The following ADAM7 variants were observed in gnomAD, a reference collection of about 807,000 sequenced individuals.
ADAM7 encodes disintegrin and metalloproteinase domain-containing protein 7.
In ADAM7, 97 loss-of-function variants were observed where a neutral mutation model predicts 102.9. That is an observed-to-expected ratio of 0.94 (90% CI 0.80 to 1.12). ADAM7 has a LOEUF of 1.12. ADAM7 is among the 50% of genes most tolerant of loss of function. ADAM7 has a pLI of 0.00. For synonymous variants in ADAM7, 334 were observed against 304.4 expected (o/e 1.10, Z -1.01); for missense variants, 991 against 908.7 (o/e 1.09, Z -1.16).
At chr8:24,507,770 A>C (rs1821002519) in intron 21 of ADAM7, among the ~76,000 whole-genome samples, 1 of 152,162 alleles carries the variant, frequency 6.6e-6, no homozygotes, top group Non-Finnish European at 1.5e-5. Flanking sequence ...GCAATCCAGA[A>C]TTCAACAGTG....
intron 3 of ADAM7, among the ~76,000 whole-genome samples, chr8:24,450,482 A>T (rs570752588): frequency 1.3e-5 from 2 of 151,314 alleles, no homozygotes; most frequent in Non-Finnish European, 3.0e-5. Context: ...AATGCTTGTG[A>T]TTTTTGTACA....
intron 3 of ADAM7, among the ~76,000 whole-genome samples, chr8:24,451,070 T>A (rs536177391): frequency 5.9e-5 from 9 of 152,090 alleles, no homozygotes; most frequent in East Asian, 1.9e-4. Flanking sequence ...TATTGAGGAT[T>A]TTTGCATCAA....
At chr8:24,457,293 A>AT (rs35591710) in intron 3 of ADAM7, among the ~76,000 whole-genome samples, 9,880 of 150,952 alleles carry the variant, frequency 0.065, 484 homozygotes, top group African/African-American at 0.13. Flanking sequence ...GTTCGAGGAG[A>AT]TTTTTTTTTC....
At chr8:24,478,686 T>C (rs1383633899) in intron 8 of ADAM7, among the ~76,000 whole-genome samples, 3 of 152,200 alleles carry the variant, frequency 2.0e-5, no homozygotes, top group African/African-American at 7.2e-5. Context: ...GGATAACTAA[T>C]TTAAATTTCC....
At position 24,509,334 on chromosome 8, in the gene ADAM7, C is replaced by T; in HGVS notation, c.*788C>T. On this transcript the variant is annotated 3_prime_UTR_variant, in exon 22 of 22. Transcript: ENST00000175238. ...ATGTGCCATTTCTGTGCTGTCTCTG[C>T]CCTCTCCCTATCCGTTTGTTATGGG... The T allele has an allele frequency of 3.0e-6, 3 of 985,434 alleles. No individual in the cohort carries two copies. The highest frequency in any genetic ancestry group is 2.4e-6 in the Non-Finnish European group (2 of 829,984). The allele number at this position is 985,434 out of a possible 1,614,324, so 61.0% of individuals were successfully genotyped here.
chr8:24,505,621 T>C (rs1492417), intron 20 of ADAM7, among the ~76,000 whole-genome samples: 109,800 of 151,964 alleles, frequency 0.72, 40,462 homozygotes, highest in African/African-American at 0.81. Flanking sequence ...GTTAATGATG[T>C]TTGTTTTTTG....
At chr8:24,475,903 T>C (rs906443374) in intron 7 of ADAM7, 2 of 456,300 alleles carry the variant, frequency 4.4e-6, no homozygotes, top group Admixed American at 4.7e-5. Flanking sequence ...ATGAAAAGTC[T>C]GGTTTGCCCT....
chr8:24,503,556 A>T (rs1277764141), intron 20 of ADAM7, among the ~76,000 whole-genome samples: 3 of 152,272 alleles, frequency 2.0e-5, no homozygotes, highest in Admixed American at 6.5e-5. Context: ...AAATCATTCT[A>T]CTATAAAGAC....
intron 16 of ADAM7, among the ~76,000 whole-genome samples, chr8:24,498,549 G>GTATATA (rs138184963): frequency 1.1e-3 from 169 of 148,766 alleles, no homozygotes; most frequent in Admixed American, 2.1e-3. Flanking sequence ...AGGACTAAGA[G>GTATATA]TATATATATA....
chr8:24,494,890 G>A (rs1820501769), intron 16 of ADAM7, among the ~76,000 whole-genome samples: 1 of 152,126 alleles, frequency 6.6e-6, no homozygotes, highest in South Asian at 2.1e-4. Flanking sequence ...CAAACAGCAG[G>A]GAAAAATTCT....
intron 16 of ADAM7, among the ~76,000 whole-genome samples, chr8:24,497,624 A>C (rs1314758435): frequency 5.3e-5 from 8 of 152,178 alleles, no homozygotes; most frequent in Admixed American, 5.2e-4. Context: ...TATGAAGTCT[A>C]AATTAAAAAC....
At chr8:24,450,527 T>C (rs2129374925) in intron 3 of ADAM7, among the ~76,000 whole-genome samples, 1 of 152,254 alleles carries the variant, frequency 6.6e-6, no homozygotes, top group East Asian at 1.9e-4. Context: ...CTGAAGTTGC[T>C]TATCAGCTTA....
chr8:24,450,631 T>C (rs1408284671), intron 3 of ADAM7, among the ~76,000 whole-genome samples: 3 of 152,138 alleles, frequency 2.0e-5, no homozygotes, highest in Non-Finnish European at 4.4e-5. Flanking sequence ...CCTAATTGAA[T>C]ACCCTTTATT....
At position 24,447,113 on chromosome 8, in the gene ADAM7, C is replaced by A. The variant is rs182053997; in HGVS notation, c.157-73C>A. 57 of 753,898 alleles carry A rather than the reference C, an allele frequency of 7.6e-5. No individual in the cohort carries two copies. In the African/African-American group the frequency reaches 9.2e-4, roughly 12 times the overall value. The allele number at this position is 753,898 out of a possible 1,614,324, so 46.7% of individuals were successfully genotyped here. A position where few individuals can be genotyped will look rare whatever the true frequency, so the allele number is the denominator to read the frequency against. ...TGGATTGGAGATAGGGAACATTCAC[C>A]CAAAGCACTACTTGCTCCAGAACAC... On this transcript the variant is annotated intron_variant, in intron 2 of 21. Transcript: ENST00000175238.
chr8:24,508,987 T>C lies in ADAM7; in HGVS notation c.*441T>C. On this transcript the variant is annotated 3_prime_UTR_variant, in exon 22 of 22. Transcript: ENST00000175238. ...TGAACATGACATCATTAGCACTAAT[T>C]CTGGTTTAAATGAAAGTCCTGCAGA... is the stretch of plus-strand genomic sequence containing the variant. 1 of 996,464 alleles carries C rather than the reference T, an allele frequency of 1.0e-6. No individual in the cohort carries two copies. The highest frequency in any genetic ancestry group is 1.2e-6 in the Non-Finnish European group (1 of 837,302). The allele number at this position is 996,464 out of a possible 1,614,324, so 61.7% of individuals were successfully genotyped here. A position where few individuals can be genotyped will look rare whatever the true frequency, so the allele number is the denominator to read the frequency against.
At chr8:24,451,423 T>C (rs1407735229) in intron 3 of ADAM7, among the ~76,000 whole-genome samples, 1 of 152,262 alleles carries the variant, frequency 6.6e-6, no homozygotes, top group African/African-American at 2.4e-5. Context: ...CTAGATTTTC[T>C]AGTTTATTTG....
Position 24,500,051 on chromosome 8 carries a change from G to A in ADAM7, c.1924-127G>A, listed in dbSNP as rs181327894. On this transcript the variant is annotated intron_variant, in intron 17 of 21. Transcript: ENST00000175238. Reference sequence around the variant, plus strand: ...GATTTTGTTACACAGTTTAATAAACGAATAAAAAGTTCGCGCTTGTGCTTG... The same window carrying A: ...GATTTTGTTACACAGTTTAATAAACAAATAAAAAGTTCGCGCTTGTGCTTG... 5 of 616,190 alleles carry A rather than the reference G, an allele frequency of 8.1e-6. No individual in the cohort carries two copies. The East Asian group carries it at 1.5e-4, about 19-fold the overall frequency. The allele number at this position is 616,190 out of a possible 1,614,324, so 38.2% of individuals were successfully genotyped here. A position where few individuals can be genotyped will look rare whatever the true frequency, so the allele number is the denominator to read the frequency against.
rs1358850990 is a variant in ADAM7 at position 24,482,167 on chromosome 8, T to A, written c.731T>A (p.Val244Glu). The change falls in exon 9 of 22, where the codon GTG becomes GAG. Residue 244 changes from valine (V) to glutamate (E), a missense_variant. By Grantham distance (121) the Val-to-Glu change is moderately radical. Transcript: ENST00000175238. ...ATTTATAAAACCTTAAACATCCATG[T>A]GACGTTGGTTGGCATTGAAATATGG... ...NMIYKTLNIHVTLVGIEIWTH... is the reference protein window; with the variant it reads ...NMIYKTLNIHETLVGIEIWTH... The A allele has an allele frequency of 1.3e-5, 20 of 1,590,966 alleles. No individual in the cohort carries two copies. The highest frequency in any genetic ancestry group is 1.7e-5 in the Non-Finnish European group (20 of 1,173,596).
In ADAM7 at chr8:24,508,538, C is replaced by G; in HGVS notation, c.*-8C>G. 6.2e-7 allele frequency: 1 copy of G among 1,613,348 alleles called. No homozygotes were observed. Among genetic ancestry groups the G allele is most frequent in the South Asian group, 1.1e-5 (1 of 91,022 alleles). On this transcript the variant is annotated splice_region_variant and splice_polypyrimidine_tract_variant and intron_variant, in intron 21 of 21. Coordinates refer to ENST00000175238, the MANE Select transcript of ADAM7 (RefSeq NM_003817.4). ...ACAATCTATTTTTAACCATCTGTTT[C>G]TATTTAGAGCTTGAAGTTGGATATC...
Sources: gnomAD v4.1 joint callset for allele counts (sites outside exome capture counted in the v4.1 genomes callset) on GRCh38, gnomAD v4.1.1 for gene constraint, MANE v1.5 for transcripts, NCBI Gene and HGNC (gene_info 2026-07-23, HGNC 2026-07-21) for gene names.